Variants in HERC1 observed in about 807,000 individuals in gnomAD.
The protein encoded by HERC1 is HECT and RLD domain containing E3 ubiquitin protein ligase family member 1.
Under a neutral mutation model 554.3 loss-of-function variants are expected in HERC1, and 160 were observed. The observed-to-expected ratio is 0.29, with a 90% CI of 0.25 to 0.33. The LOEUF is 0.33. Ranked by LOEUF, HERC1 falls within the 10% of genes least tolerant of loss-of-function variation. The pLI, the probability that HERC1 is intolerant of heterozygous loss-of-function variation, is 1.00. For missense variants in HERC1, 4,919 were observed against 5,918.5 expected, an observed-to-expected ratio of 0.83 and a Z score of 5.54; for synonymous variants, 2,175 against 2,131.7, an observed-to-expected ratio of 1.02 and a Z score of -0.56.
chr15:63,612,493 C>G lies in HERC1; in HGVS notation c.14158G>C (p.Ala4720Pro). The change falls in exon 77 of 78, where the codon GCA becomes CCA. Residue 4720 changes from alanine to proline, a missense_variant. This residue lies in a region of HERC1 where 284 missense variants were observed against 294.1 expected (regional missense o/e 0.97). Coordinates refer to ENST00000443617, the MANE Select transcript of HERC1 (RefSeq NM_003922.4). This position sits in a 1 kb window ranked among gnomAD's most constrained non-coding sequence, Gnocchi z 5.0. ...VPVPLLSLLT[A>P]KQLEQMVCGM... ...CACACCATCTGCTCCAGTTGTTTTGCTGTGAGGAGGGACAGCAGCGGCACA... is the reference window on the plus strand; with the variant it reads ...CACACCATCTGCTCCAGTTGTTTTGGTGTGAGGAGGGACAGCAGCGGCACA... The G allele has an allele frequency of 1.2e-6, 2 of 1,614,020 alleles. No homozygotes were observed. Among genetic ancestry groups the G allele is most frequent in the Non-Finnish European group, 1.7e-6 (2 of 1,179,886 alleles).
intron 1 of HERC1, among the ~76,000 whole-genome samples, chr15:63,786,982 T>A (rs1294619372): frequency 3.4e-5 from 5 of 148,946 alleles, no homozygotes; most frequent in African/African-American, 9.9e-5. Flanking sequence ...GGTAGTGCAA[T>A]GGCATGGTCT....
intron 31 of HERC1, among the ~76,000 whole-genome samples, 184 bp from the exon 32 acceptor site, chr15:63,690,831 G>A (rs2072063678): frequency 6.6e-6 from 1 of 152,144 alleles, no homozygotes; most frequent in Non-Finnish European, 1.5e-5. Flanking sequence ...ATACATTCAT[G>A]CTTATGCCTC....
intron 68 of HERC1, chr15:63,632,327 C>T (rs1400686521): frequency 4.1e-6 from 1 of 244,668 alleles, no homozygotes; most frequent in African/African-American, 2.3e-5. Flanking sequence ...CTATGAATTC[C>T]TCCAGTTCCT....
rs2073914392 is a variant in HERC1, at chr15:63,723,612, C to T, written c.3569-257G>A. On this transcript the variant is annotated intron_variant, in intron 18 of 77. Transcript: ENST00000443617. ...GGTATTTTGCAGTCAAATGCTTTAC[C>T]TCTGAGCTATACCCTACAACTCTGG... Among the ~76,000 whole-genome samples, 3 of 152,242 alleles carry T rather than the reference C, an allele frequency of 2.0e-5. No homozygotes were observed. The South Asian group carries it at 6.2e-4, about 32-fold the overall frequency.
intron 2 of HERC1, among the ~76,000 whole-genome samples, chr15:63,769,204 G>A (rs1335250789): frequency 2.6e-5 from 4 of 152,144 alleles, no homozygotes; most frequent in Admixed American, 2.0e-4. Context: ...GATCACCTGA[G>A]GTCAGGAGTT....
chr15:63,638,429 T>A lies in HERC1; in HGVS notation c.12075A>T (p.Ser4025=), dbSNP rs1312797640. Residue 4025 remains serine (S), a synonymous_variant, in exon 63 of 78, where the codon TCA becomes TCT. Coordinates refer to ENST00000443617, the MANE Select transcript of HERC1 (RefSeq NM_003922.4). ...RNVMVPAAAP[S]FSQAQQVICG... is the part of the protein sequence containing the mutation. ...TAGTTACCTGTTGGGCCTGTGAGAA[T>A]GAGGGAGCTGCTGCAGGTACCATTA... The A allele has an allele frequency of 9.9e-6, 16 of 1,613,872 alleles. No individual in the cohort carries two copies. The highest frequency in any genetic ancestry group is 1.4e-5 in the Non-Finnish European group (16 of 1,179,772).
intron 1 of HERC1, among the ~76,000 whole-genome samples, chr15:63,777,257 G>C (rs2076143428): frequency 6.6e-6 from 1 of 152,280 alleles, no homozygotes; most frequent in Middle Eastern, 3.4e-3. Context: ...GCCTTCACAA[G>C]TTTATGATTA....
At chr15:63,811,004 T>G (rs561565702) in intron 1 of HERC1, among the ~76,000 whole-genome samples, 1 of 152,334 alleles carries the variant, frequency 6.6e-6, no homozygotes, top group South Asian at 2.1e-4. Context: ...CCTAGATTAT[T>G]CAATAAAGTT....
At chr15:63,654,044 G>A in intron 51 of HERC1, 75 bp downstream of exon 51, 1 of 1,140,492 alleles carries the variant, frequency 8.8e-7, no homozygotes, top group Non-Finnish European at 1.3e-6. Flanking sequence ...CCTAAACTTT[G>A]AGCTCCTTGA....
chr15:63,712,648 C>G (rs898230065), intron 24 of HERC1, 127 bp downstream of exon 24: 24 of 696,062 alleles, frequency 3.4e-5, no homozygotes, highest in Middle Eastern at 8.4e-4. Context: ...AGTTATTTCT[C>G]TTAAAGTTAT....
In HERC1 at chr15:63,718,284, A is replaced by G; in HGVS notation, c.3978+290T>C. 1 of 267,184 alleles carries G rather than the reference A, an allele frequency of 3.7e-6. No homozygotes were observed. 16.6% of individuals were successfully genotyped at this position (267,184 alleles called of 1,614,324 possible). A position where few individuals can be genotyped will look rare whatever the true frequency, so the allele number is the denominator to read the frequency against. On this transcript the variant is annotated intron_variant, in intron 21 of 77. Coordinates refer to ENST00000443617, the MANE Select transcript of HERC1 (RefSeq NM_003922.4). This position sits in a 1 kb window ranked among gnomAD's most constrained non-coding sequence, Gnocchi z 4.2. Reference sequence around the variant, plus strand: ...AACAGGATAATTCAAATGTGGCCCAATCAGCACAAAGAGAGGAATAATCAT... The same window carrying G: ...AACAGGATAATTCAAATGTGGCCCAGTCAGCACAAAGAGAGGAATAATCAT...
chr15:63,669,246 GT>G (rs1390312099), intron 40 of HERC1, among the ~76,000 whole-genome samples: 1 of 152,178 alleles, frequency 6.6e-6, no homozygotes, highest in Non-Finnish European at 1.5e-5. Flanking sequence ...AAATGTGTGG[GT>G]TGCAGCTAAA....
Position 63,645,471 on chromosome 15 carries a change from T to A in HERC1, c.11078+12A>T, listed in dbSNP as rs377337200. 6.3e-7 allele frequency: 1 copy of A among 1,594,898 alleles called. No individual in the cohort carries two copies. Among genetic ancestry groups the A allele is most frequent in the South Asian group, 1.1e-5 (1 of 88,228 alleles). On this transcript the variant is annotated intron_variant, in intron 56 of 77. Coordinates refer to ENST00000443617, the MANE Select transcript of HERC1 (RefSeq NM_003922.4). Reference sequence around the variant, plus strand: ...AAAAACTAAGACGTATAGATGCAAATTGACAACATACGTAGCCATCAGTAA... The same window carrying A: ...AAAAACTAAGACGTATAGATGCAAAATGACAACATACGTAGCCATCAGTAA...
rs759569545 is a variant in HERC1, at chr15:63,774,772, G to A, written c.852C>T (p.Gly284=). 2.5e-6 allele frequency: 4 copies of A among 1,613,912 alleles called. No homozygotes were observed. In the East Asian group the frequency reaches 6.7e-5, roughly 27 times the overall value. The change falls in exon 2 of 78, where the codon GGC becomes GGT. Residue 284 remains glycine (G), a synonymous_variant. Transcript: ENST00000443617. ...ASAVVHTMEK[G]KLLSSQEGMI... ...TTCCTTCCTGGCTTGAGAGTAGTTTGCCTTTCTCCATGGTGTGTACAACTG... is the reference window on the plus strand; with the variant it reads ...TTCCTTCCTGGCTTGAGAGTAGTTTACCTTTCTCCATGGTGTGTACAACTG...
At position 63,672,489 on chromosome 15, in the gene HERC1, T is replaced by G. The variant is rs530986310; in HGVS notation, c.8045+7A>C. The G allele has an allele frequency of 1.9e-6, 3 of 1,576,904 alleles. No homozygotes were observed. In the South Asian group the frequency reaches 3.5e-5, roughly 18 times the overall value. On this transcript the variant is annotated splice_region_variant and intron_variant, in intron 39 of 77. Coordinates refer to ENST00000443617, the MANE Select transcript of HERC1 (RefSeq NM_003922.4). ...GTATGGCAGACATTAAAGGTCAACT[T>G]CTCTACCTGAGAAGACTAAGAGGCA...
At chr15:63,786,046 G>A (rs1331572281) in intron 1 of HERC1, among the ~76,000 whole-genome samples, 1 of 151,640 alleles carries the variant, frequency 6.6e-6, no homozygotes, top group African/African-American at 2.4e-5. Flanking sequence ...AAAACAATCA[G>A]CTAACAAAAT....
intron 74 of HERC1, among the ~76,000 whole-genome samples, chr15:63,620,814 A>G (rs2068043138): frequency 6.6e-6 from 1 of 151,930 alleles, no homozygotes; most frequent in South Asian, 2.1e-4. Flanking sequence ...TAGGATTGCA[A>G]CCCCTGCCTT....
At position 63,758,410 on chromosome 15, in the gene HERC1, T is replaced by C; in HGVS notation, c.1027-41A>G. ...AATATGCAACAAATAGTCAAGACAG[T>C]TTTAGTCTGGGCATTTTTTATACAT... On this transcript the variant is annotated intron_variant, in intron 3 of 77. Transcript: ENST00000443617. This position sits in a 1 kb window ranked among gnomAD's most constrained non-coding sequence, Gnocchi z 4.0. 1 of 1,452,610 alleles carries C rather than the reference T, an allele frequency of 6.9e-7. No individual in the cohort carries two copies. Among genetic ancestry groups the C allele is most frequent in the Non-Finnish European group, 9.4e-7 (1 of 1,064,776 alleles). The allele number at this position is 1,452,610 out of a possible 1,614,324, so 90.0% of individuals were successfully genotyped here.
At chr15:63,619,509 C>A (rs1264384849) in intron 74 of HERC1, among the ~76,000 whole-genome samples, 11 of 152,136 alleles carry the variant, frequency 7.2e-5, no homozygotes, top group African/African-American at 1.2e-4. Context: ...TGCTGGCCTC[C>A]TAAAATGAGT....
Sources: allele counts gnomAD v4.1 joint callset (sites outside exome capture counted in the v4.1 genomes callset), GRCh38; gene constraint gnomAD v4.1.1; regional missense constraint gnomAD v4.1.1; non-coding constraint Gnocchi (gnomAD v3.1); transcripts MANE v1.5; gene names NCBI Gene and HGNC (gene_info 2026-07-23, HGNC 2026-07-21).